OTOG: variants seen among roughly 807,000 people sequenced by gnomAD.
The protein encoded by OTOG is otogelin.
Under a neutral mutation model 313.8 loss-of-function variants are expected in OTOG, and 296 were observed. That is an observed-to-expected ratio of 0.94 (90% CI 0.86 to 1.04). The LOEUF is 1.04. OTOG is among the 50% of genes least tolerant of loss of function. OTOG has a pLI of 0.00. For missense variants in OTOG, 3,948 were observed against 3,840.1 expected (o/e 1.03, Z -0.74); for synonymous variants, 1,533 against 1,554.9 (o/e 0.99, Z 0.33).
intron 47 of OTOG, 101 bp from the exon 48 acceptor site, chr11:17,638,350 G>T: frequency 9.9e-7 from 1 of 1,011,762 alleles, no homozygotes; most frequent in Non-Finnish European, 1.4e-6. Context: ...TCACTAAGGA[G>T]GAGCTGGGGG....
chr11:17,572,546 C>A (rs1163005027), intron 18 of OTOG, among the ~76,000 whole-genome samples: 1 of 152,208 alleles, frequency 6.6e-6, no homozygotes, highest in Non-Finnish European at 1.5e-5. Flanking sequence ...TCTGCCCCAG[C>A]TGCCCTGGCC....
intron 47 of OTOG, among the ~76,000 whole-genome samples, chr11:17,636,692 A>G (rs146317927): frequency 1.1e-4 from 17 of 149,828 alleles, no homozygotes; most frequent in African/African-American, 2.7e-4. Context: ...TTCTCTTTCT[A>G]TCATTACCCC....
intron 28 of OTOG, among the ~76,000 whole-genome samples, chr11:17,595,299 C>T (rs1853065821): frequency 6.6e-6 from 1 of 152,238 alleles, no homozygotes. Context: ...TCATATTTCT[C>T]TCTTGCTAAT....
chr11:17,596,419 T>G lies in OTOG; in HGVS notation c.3525+265T>G, dbSNP rs990096122. ...CCCTTCCTCCTTATCATGAAGTTCT[T>G]CTAAATGGTGGACCCAAAGCCCTCA... On this transcript the variant is annotated intron_variant, in intron 29 of 55. Transcript: ENST00000399397. Among the ~76,000 whole-genome samples the G allele has an allele frequency of 1.1e-4, 17 of 152,216 alleles. 1 individual carries two copies. Among genetic ancestry groups the G allele is most frequent in the Admixed American group, 1.1e-3 (17 of 15,280 alleles).
Position 17,606,151 on chromosome 11 carries a change from C to A in OTOG, c.4156+16C>A. 1 of 1,514,610 alleles carries A rather than the reference C, an allele frequency of 6.6e-7. No individual in the cohort carries two copies. The highest frequency in any genetic ancestry group is 8.9e-7 in the Non-Finnish European group (1 of 1,127,314). 93.8% of individuals were successfully genotyped at this position (1,514,610 alleles called of 1,614,324 possible). Reference sequence around the variant, plus strand: ...CGCCTTCTGGGTAGGCGACCCCCTGCCATTGCCCTCGGCCCTTTGGCCCTC... The same window carrying A: ...CGCCTTCTGGGTAGGCGACCCCCTGACATTGCCCTCGGCCCTTTGGCCCTC... On this transcript the variant is annotated intron_variant, in intron 33 of 55. Coordinates refer to ENST00000399397, the MANE Select transcript of OTOG (RefSeq NM_001292063.2).
chr11:17,590,361 C>T (rs1233307186), intron 24 of OTOG, among the ~76,000 whole-genome samples: 1 of 152,236 alleles, frequency 6.6e-6, no homozygotes, highest in African/African-American at 2.4e-5. Flanking sequence ...CTGGAGTCAA[C>T]CTCGAGTCTT....
chr11:17,561,690 C>T lies in OTOG; in HGVS notation c.1527C>T (p.His509=). The change falls in exon 15 of 56, where the codon CAC becomes CAT. Residue 509 remains histidine (H), a synonymous_variant. Coordinates refer to ENST00000399397, the MANE Select transcript of OTOG (RefSeq NM_001292063.2). ...AGTGCTCAGTGACTGGTGACATTCACTTCACAACCTTTGATGGCCGCCGGT... is the reference window on the plus strand; with the variant it reads ...AGTGCTCAGTGACTGGTGACATTCATTTCACAACCTTTGATGGCCGCCGGT... ...PAECSVTGDI[H]FTTFDGRRYT... 1 of 1,550,578 alleles carries T rather than the reference C, an allele frequency of 6.4e-7. No individual in the cohort carries two copies. The highest frequency in any genetic ancestry group is 1.2e-5 in the South Asian group (1 of 84,062).
In OTOG at chr11:17,591,570, C is replaced by A. The variant is rs1284280368; in HGVS notation, c.2988C>A (p.Cys996Ter). ...DGLPFDFVGA[C>*]KVHLVKSTSD... ...TCCCGTTTGACTTCGTGGGGGCATG[C>A]AAAGTGCACCTGGTCAAGGTGAGTT... The change falls in exon 25 of 56, where the codon TGC (cysteine) becomes TGA (stop). Residue 996 changes from cysteine (C) to a stop codon, truncating the protein, a stop_gained. Coordinates refer to ENST00000399397, the MANE Select transcript of OTOG (RefSeq NM_001292063.2). LOFTEE classifies it high-confidence loss of function. The A allele has an allele frequency of 1.3e-6, 2 of 1,550,660 alleles. No homozygotes were observed. Among genetic ancestry groups the A allele is most frequent in the Non-Finnish European group, 1.7e-6 (2 of 1,147,022 alleles).
Position 17,610,569 on chromosome 11 carries a change from A to G in OTOG, c.5269A>G (p.Thr1757Ala). 6.5e-7 allele frequency: 1 copy of G among 1,549,826 alleles called. No individual in the cohort carries two copies. Among genetic ancestry groups the G allele is most frequent in the Non-Finnish European group, 8.7e-7 (1 of 1,146,744 alleles). Residue 1757 changes from threonine to alanine, a missense_variant, in exon 36 of 56, where the codon ACC becomes GCC. By Grantham distance (58) the Thr-to-Ala change is moderately conservative (BLOSUM62 0). Coordinates refer to ENST00000399397, the MANE Select transcript of OTOG (RefSeq NM_001292063.2). ...SAPPRPAQHT[T>A]MATRSPALPP... ...ACCACCCCGCCCAGCCCAGCATACCACCATGGCCACCAGGTCTCCAGCTCT... is the reference window on the plus strand; with the variant it reads ...ACCACCCCGCCCAGCCCAGCATACCGCCATGGCCACCAGGTCTCCAGCTCT...
chr11:17,556,499 C>T (rs1272242659), intron 7 of OTOG, among the ~76,000 whole-genome samples: 1 of 152,198 alleles, frequency 6.6e-6, no homozygotes, highest in African/African-American at 2.4e-5. Flanking sequence ...GACACTTCTC[C>T]CTGTCCTCAT....
chr11:17,627,722 T>C (rs537487209), intron 39 of OTOG, among the ~76,000 whole-genome samples: 4 of 152,348 alleles, frequency 2.6e-5, no homozygotes, highest in Non-Finnish European at 5.9e-5. Flanking sequence ...AGGCTTTTCC[T>C]TACTGGGAGA....
chr11:17,631,491 C>T (rs1306098149), intron 40 of OTOG, among the ~76,000 whole-genome samples: 1 of 151,944 alleles, frequency 6.6e-6, no homozygotes, highest in African/African-American at 2.4e-5. Flanking sequence ...TATCCTTTTA[C>T]CCCTAAATAC....
chr11:17,638,518 C>G lies in OTOG; in HGVS notation c.7863C>G (p.Ser2621Arg). The G allele has an allele frequency of 6.4e-7, 1 of 1,550,390 alleles. No individual in the cohort carries two copies. The highest frequency in any genetic ancestry group is 8.7e-7 in the Non-Finnish European group (1 of 1,146,998). Reference sequence around the variant, plus strand: ...GCACTGCCCTGGTGGAGGTGTGGAGCCCCGACCGCTGCTGCCCCTACAAAT... The same window carrying G: ...GCACTGCCCTGGTGGAGGTGTGGAGGCCCGACCGCTGCTGCCCCTACAAAT... ...GLGTALVEVW[S>R]PDRCCPYKSC... Residue 2621 changes from serine to arginine, a missense_variant, in exon 48 of 56, where the codon AGC becomes AGG. Physicochemically the swap from Ser to Arg is moderately radical, Grantham distance 110. Coordinates refer to ENST00000399397, the MANE Select transcript of OTOG (RefSeq NM_001292063.2).
intron 24 of OTOG, 84 bp from the exon 25 acceptor site, chr11:17,591,366 A>T: frequency 6.6e-7 from 1 of 1,507,592 alleles, no homozygotes; most frequent in Non-Finnish European, 8.9e-7. Context: ...GTGCACATGC[A>T]TTCGATAAGC....
intron 25 of OTOG, among the ~76,000 whole-genome samples, chr11:17,592,216 C>T (rs1852962550): frequency 6.6e-6 from 1 of 152,036 alleles, no homozygotes; most frequent in Non-Finnish European, 1.5e-5. Flanking sequence ...GGAGTGTCAC[C>T]CAGGGGACCT....
Position 17,553,494 on chromosome 11 carries a change from C to T in OTOG, c.515C>T (p.Pro172Leu), listed in dbSNP as rs568306046. The T allele has an allele frequency of 6.9e-7, 1 of 1,449,834 alleles. No individual in the cohort carries two copies. Among genetic ancestry groups the T allele is most frequent in the South Asian group, 1.5e-5 (1 of 66,242 alleles). The allele number at this position is 1,449,834 out of a possible 1,614,324, so 89.8% of individuals were successfully genotyped here. A position where few individuals can be genotyped will look rare whatever the true frequency, so the allele number is the denominator to read the frequency against. Residue 172 changes from proline to leucine, a missense_variant, in exon 6 of 56, where the codon CCC (proline) becomes CTC (leucine). Pro to Leu is a moderately conservative substitution (Grantham distance 98). Transcript: ENST00000399397. ...GSYTLVGRHE[P>L]EGQSFSIQVH... The stretch of plus-strand genomic sequence containing the variant: ...TACACCCTGGTGGGTCGCCATGAGC[C>T]CGAGGGACAGAGCTTCTCCATCCAG...
Position 17,560,803 on chromosome 11 carries a change from A to T in OTOG, c.1437A>T (p.Glu479Asp). Residue 479 changes from glutamate to aspartate, a missense_variant, in exon 13 of 56, where the codon GAA (glutamate) becomes GAT (aspartate). Transcript: ENST00000399397. ...TLYPPGSVVK[E>D]DCNTCTCTSG... ...ACCCACCTGGCTCTGTGGTGAAGGA[A>T]GACTGCAATACTTGGTCTGTGTCTG... 1 of 1,550,392 alleles carries T rather than the reference A, an allele frequency of 6.4e-7. No individual in the cohort carries two copies. The highest frequency in any genetic ancestry group is 8.7e-7 in the Non-Finnish European group (1 of 1,146,602).
intron 18 of OTOG, among the ~76,000 whole-genome samples, chr11:17,572,565 C>A (rs2134026313): frequency 6.6e-6 from 1 of 152,264 alleles, no homozygotes; most frequent in African/African-American, 2.4e-5. Context: ...CCTCCTTGTT[C>A]TTTCTACACA....
intron 26 of OTOG, 130 bp from the exon 27 acceptor site, chr11:17,593,480 T>G (rs1853001704): frequency 2.1e-6 from 3 of 1,435,588 alleles, no homozygotes; most frequent in Non-Finnish European, 1.9e-6. Flanking sequence ...TTGGCCAGGG[T>G]CAGGAACACA....
Sources: gnomAD v4.1 joint callset for allele counts (sites outside exome capture counted in the v4.1 genomes callset) on GRCh38, gnomAD v4.1.1 for gene constraint, MANE v1.5 for transcripts, NCBI Gene and HGNC (gene_info 2026-07-23, HGNC 2026-07-21) for gene names.